Variants in ARID1B observed in about 807,000 individuals in gnomAD.
ARID1B encodes the protein AT-rich interaction domain 1B.
In ARID1B, 30 loss-of-function variants were observed where a neutral mutation model predicts 212.3. The observed-to-expected ratio is 0.14, with a 90% CI of 0.11 to 0.19. The LOEUF (loss-of-function observed/expected upper bound fraction) is 0.19. Among genes scored for constraint, ARID1B ranks in the 10% least tolerant of loss-of-function variants. The pLI is 1.00. For synonymous variants in ARID1B, 1,402 were observed against 1,301.7 expected (o/e 1.08, Z -1.66); for missense variants, 2,891 against 3,204.0 (o/e 0.90, Z 2.36).
At chr6:157,168,732 T>C (rs1309461161) in intron 9 of ARID1B, 2 of 152,240 alleles carry the variant, frequency 1.3e-5, no homozygotes, top group Non-Finnish European at 2.9e-5. Flanking sequence ...AGAGGGTTTC[T>C]TTCTATTCTT....
intron 4 of ARID1B, among the ~76,000 whole-genome samples, chr6:157,048,684 T>C (rs1262348862): frequency 6.6e-6 from 1 of 152,232 alleles, no homozygotes; most frequent in East Asian, 1.9e-4. Context: ...GAGTAATAAA[T>C]ATCATATCTT....
chr6:156,801,934 A>AT (rs1488007723), intron 1 of ARID1B, among the ~76,000 whole-genome samples: 5 of 152,254 alleles, frequency 3.3e-5, no homozygotes, highest in Non-Finnish European at 7.3e-5. Context: ...CTTTCTCGAA[A>AT]TTGACTAAAA....
At chr6:156,889,988 C>G (rs1283541414) in intron 2 of ARID1B, among the ~76,000 whole-genome samples, 2 of 152,032 alleles carry the variant, frequency 1.3e-5, no homozygotes, top group African/African-American at 2.4e-5. Context: ...TGTGGGAGAG[C>G]TTGTTACCCT....
chr6:157,149,634 G>A (rs1455334472), intron 8 of ARID1B: 1 of 152,130 alleles, frequency 6.6e-6, no homozygotes, highest in Non-Finnish European at 1.5e-5. Context: ...GTAAATACTT[G>A]ACCTGGATAA....
chr6:157,174,817 A>AT (rs372586664), intron 10 of ARID1B, 30 bp from the exon 11 acceptor site: 35,677 of 1,222,618 alleles, frequency 0.029, 22 homozygotes, highest in African/African-American at 0.047. Flanking sequence ...TACCTTTGTC[A>AT]TTTTTTTTTT....
chr6:156,964,259 GCT>G (rs1263761026), intron 4 of ARID1B, among the ~76,000 whole-genome samples: 1 of 152,244 alleles, frequency 6.6e-6, no homozygotes, highest in Admixed American at 6.5e-5. Flanking sequence ...TGCTGAATCA[GCT>G]CTTTTTCATT....
Position 157,196,179 on chromosome 6 carries a change from G to A in ARID1B, c.4246G>A (p.Glu1416Lys), listed in dbSNP as rs752398721. ...GGMRKVPGSS[E>K]PFMTQGQMPN... ...AAATATTGCAGTGCCTGGAAGCAGC[G>A]AGCCCTTTATGACGCAAGGACAGAT... The change falls in exon 16 of 20, where the codon GAG becomes AAG. Residue 1416 changes from glutamate (E) to lysine (K), a missense_variant. Glu to Lys is a moderately conservative substitution (Grantham distance 56). Coordinates refer to ENST00000636930, the MANE Select transcript of ARID1B (RefSeq NM_001374828.1). 28 of 1,612,362 alleles carry A rather than the reference G, an allele frequency of 1.7e-5. No individual in the cohort carries two copies. Among genetic ancestry groups the A allele is most frequent in the African/African-American group, 2.7e-5 (2 of 74,760 alleles).
chr6:157,103,670 C>T (rs1786247279), intron 5 of ARID1B, among the ~76,000 whole-genome samples: 1 of 152,014 alleles, frequency 6.6e-6, no homozygotes, highest in Admixed American at 6.6e-5. Flanking sequence ...TGATTTAGTT[C>T]TTAAAAGCTA....
intron 4 of ARID1B, among the ~76,000 whole-genome samples, chr6:156,947,758 A>G (rs1793268181): frequency 6.6e-6 from 1 of 152,214 alleles, no homozygotes. Context: ...ATGAAGGGAA[A>G]AACTTTTGGC....
chr6:156,907,421 T>A (rs896183829), intron 3 of ARID1B, among the ~76,000 whole-genome samples: 2 of 152,222 alleles, frequency 1.3e-5, no homozygotes, highest in African/African-American at 4.8e-5. Flanking sequence ...TGAGGTAAAT[T>A]ACCTTTTAAG....
intron 7 of ARID1B, among the ~76,000 whole-genome samples, chr6:157,145,103 G>A (rs1789631612): frequency 2.0e-5 from 3 of 152,134 alleles, no homozygotes; most frequent in African/African-American, 7.2e-5. Flanking sequence ...CAGATCTGTT[G>A]TTGTGCTCTC....
At chr6:157,116,999 T>C (rs1787363115) in intron 6 of ARID1B, among the ~76,000 whole-genome samples, 1 of 152,168 alleles carries the variant, frequency 6.6e-6, no homozygotes, top group Admixed American at 6.5e-5. Context: ...TGGTATTTTG[T>C]CCAGCCAAAC....
chr6:157,178,126 C>T (rs577480047), intron 11 of ARID1B, among the ~76,000 whole-genome samples: 147 of 152,308 alleles, frequency 9.7e-4, no homozygotes, highest in Non-Finnish European at 1.3e-3. Context: ...CTTGCTCAGC[C>T]TTCAGTCTTA....
chr6:157,092,768 T>C (rs1785357179), intron 5 of ARID1B, among the ~76,000 whole-genome samples: 1 of 152,250 alleles, frequency 6.6e-6, no homozygotes, highest in East Asian at 1.9e-4. Context: ...CCTTTCTCTA[T>C]TCTTCTGTGT....
At chr6:156,976,497 G>A (rs1219624076) in intron 4 of ARID1B, 1 of 177,454 alleles carries the variant, frequency 5.6e-6, no homozygotes, top group East Asian at 1.8e-4. Flanking sequence ...AACCAGTCGA[G>A]TGAAGGATTC....
At chr6:156,967,214 T>G (rs1794828784) in intron 4 of ARID1B, among the ~76,000 whole-genome samples, 1 of 152,184 alleles carries the variant, frequency 6.6e-6, no homozygotes, top group South Asian at 2.1e-4. Context: ...TACCTTATAT[T>G]TGAACATTGG....
intron 4 of ARID1B, among the ~76,000 whole-genome samples, chr6:157,028,127 A>G (rs1372273935): frequency 6.6e-6 from 1 of 151,312 alleles, no homozygotes; most frequent in East Asian, 1.9e-4. Flanking sequence ...ATGGCATTGA[A>G]TTATGACCAA....
At chr6:156,901,549 A>G (rs753783920) in intron 3 of ARID1B, 24 bp downstream of exon 3, 53 of 1,602,564 alleles carry the variant, frequency 3.3e-5, no homozygotes, top group East Asian at 6.8e-5. Flanking sequence ...ACTGCCCCGC[A>G]GGGCCCTGTT....
chr6:157,189,497 A>G (rs1030150706), intron 13 of ARID1B, 145 bp from the exon 14 acceptor site: 4 of 1,002,888 alleles, frequency 4.0e-6, no homozygotes, highest in East Asian at 2.9e-5. Context: ...CAACATCATT[A>G]TCAGCAATGG....
Sources: allele counts gnomAD v4.1 joint callset (sites outside exome capture counted in the v4.1 genomes callset), GRCh38; gene constraint gnomAD v4.1.1; transcripts MANE v1.5; gene names NCBI Gene and HGNC (gene_info 2026-07-23, HGNC 2026-07-21).